Variants in TRIM9 observed in about 807,000 individuals in gnomAD.
TRIM9 encodes E3 ubiquitin-protein ligase TRIM9.
TRIM9 carries 26 observed loss-of-function variants against 78.3 expected under a neutral mutation model. The observed-to-expected ratio is 0.33, with a 90% confidence interval of 0.24 to 0.46. The LOEUF is 0.46. TRIM9 is among the 20% of genes least tolerant of loss of function. The pLI is 1.00. For missense variants in TRIM9, 787 were observed against 1,036.4 expected, an observed-to-expected ratio of 0.76 and a Z score of 3.30; for synonymous variants, 398 against 416.5, an observed-to-expected ratio of 0.96 and a Z score of 0.54.
intron 1 of TRIM9, among the ~76,000 whole-genome samples, chr14:51,087,836 A>G (rs2063910938): frequency 6.6e-6 from 1 of 152,206 alleles, no homozygotes; most frequent in Non-Finnish European, 1.5e-5. Context: ...TTTGTATACC[A>G]CAGATTAATG....
At chr14:51,042,902 C>T (rs2059676646) in intron 1 of TRIM9, among the ~76,000 whole-genome samples, 1 of 152,188 alleles carries the variant, frequency 6.6e-6, no homozygotes, top group Non-Finnish European at 1.5e-5. Flanking sequence ...AACCTTCGTT[C>T]TACTCTGTTC....
chr14:51,067,616 T>C (rs946160851), intron 1 of TRIM9, among the ~76,000 whole-genome samples: 1 of 152,186 alleles, frequency 6.6e-6, no homozygotes, highest in African/African-American at 2.4e-5. Flanking sequence ...GTCCCTTTCA[T>C]TCCTGCCTAA....
At chr14:51,024,375 C>G (rs2058035618) in intron 2 of TRIM9, among the ~76,000 whole-genome samples, 1 of 151,434 alleles carries the variant, frequency 6.6e-6, no homozygotes, top group African/African-American at 2.4e-5. Context: ...GGCATGTGTG[C>G]CAAAAAAAAA....
chr14:51,020,997 T>C (rs959224881), intron 3 of TRIM9, among the ~76,000 whole-genome samples: 1 of 152,270 alleles, frequency 6.6e-6, no homozygotes, highest in Non-Finnish European at 1.5e-5. Flanking sequence ...GCTAGGTACT[T>C]AAATAGTTGT....
intron 10 of TRIM9, chr14:50,982,727 C>A: frequency 1.9e-6 from 1 of 513,158 alleles, no homozygotes; most frequent in Non-Finnish European, 3.5e-6. Flanking sequence ...ACTCCTGAAA[C>A]TAACACGTCA....
chr14:50,997,335 C>A, intron 7 of TRIM9: 2 of 985,336 alleles, frequency 2.0e-6, no homozygotes, highest in Non-Finnish European at 2.4e-6. Context: ...AGCAAAAATT[C>A]TCTAGAGATG....
At chr14:50,987,976 T>G (rs893167018) in intron 7 of TRIM9, among the ~76,000 whole-genome samples, 4 of 152,106 alleles carry the variant, frequency 2.6e-5, no homozygotes, top group African/African-American at 9.7e-5. Context: ...AATTTTTCTA[T>G]TTTTTGTAGA....
chr14:51,080,436 AACACACACACACACACAC>A (rs34062978), intron 1 of TRIM9, among the ~76,000 whole-genome samples: 15 of 144,024 alleles, frequency 1.0e-4, no homozygotes, highest in South Asian at 2.4e-4. Flanking sequence ...AGTTTTATTG[AACACACACACACACACAC>A]ACACACACAC....
Position 51,001,258 on chromosome 14 carries a change from G to C in TRIM9, c.1307-418C>G, listed in dbSNP as rs973309042. Among the ~76,000 whole-genome samples, 6 of 140,040 alleles carry C rather than the reference G, an allele frequency of 4.3e-5. No homozygotes were observed. The South Asian group carries it at 9.0e-4, about 21-fold the overall frequency. 91.9% of individuals were successfully genotyped at this position (140,040 alleles called of 152,430 possible). On this transcript the variant is annotated intron_variant, in intron 5 of 12. Transcript: ENST00000684578. ...TTTTTTTTTTTTTTTGAGATGGAGT[G>C]TCGCTCTGTCGCCCAGGTTGGAGTG... is the stretch of plus-strand genomic sequence containing the variant.
intron 1 of TRIM9, among the ~76,000 whole-genome samples, chr14:51,050,875 A>G (rs2060359213): frequency 6.6e-6 from 1 of 152,134 alleles, no homozygotes; most frequent in Non-Finnish European, 1.5e-5. Flanking sequence ...GCCACCTTAG[A>G]CAGGGATTCT....
chr14:51,001,494 G>T (rs1049390423), intron 5 of TRIM9, among the ~76,000 whole-genome samples: 3 of 152,130 alleles, frequency 2.0e-5, no homozygotes, highest in African/African-American at 7.2e-5. Flanking sequence ...CTCCCAAAGT[G>T]CTGGGATTAC....
chr14:50,999,874 A>C (rs1159302635), intron 6 of TRIM9, among the ~76,000 whole-genome samples: 2 of 152,210 alleles, frequency 1.3e-5, no homozygotes, highest in Admixed American at 1.3e-4. Flanking sequence ...AAGCAGACAC[A>C]TGCCGGCAGG....
At chr14:51,080,902 C>T (rs552372634) in intron 1 of TRIM9, among the ~76,000 whole-genome samples, 26 of 152,314 alleles carry the variant, frequency 1.7e-4, no homozygotes, top group African/African-American at 4.3e-4. Context: ...TTCCATGTTT[C>T]CTGTTTGTCA....
intron 1 of TRIM9, among the ~76,000 whole-genome samples, chr14:51,035,840 A>T (rs562141743): frequency 1.1e-4 from 17 of 152,328 alleles, no homozygotes; most frequent in African/African-American, 3.8e-4. Context: ...ATATTTTTGA[A>T]CCTCAGTTGT....
intron 7 of TRIM9, among the ~76,000 whole-genome samples, chr14:50,995,021 CT>C (rs1031599850): frequency 6.6e-6 from 1 of 151,984 alleles, no homozygotes; most frequent in Non-Finnish European, 1.5e-5. Flanking sequence ...TTCCTTTTCT[CT>C]GTCTCTTTTT....
chr14:50,993,824 T>A, intron 7 of TRIM9, among the ~76,000 whole-genome samples: 1 of 152,306 alleles, frequency 6.6e-6, no homozygotes, highest in South Asian at 2.1e-4. Flanking sequence ...GTGCTGAGCA[T>A]TGGCGGCTTA....
intron 3 of TRIM9, among the ~76,000 whole-genome samples, chr14:51,015,484 C>G (rs1055372441): frequency 1.0e-4 from 12 of 119,752 alleles, no homozygotes; most frequent in Admixed American, 7.4e-4. Context: ...TAAATAAATG[C>G]TTTTTTCTTT....
At chr14:51,037,868 T>C (rs2059285990) in intron 1 of TRIM9, among the ~76,000 whole-genome samples, 1 of 152,108 alleles carries the variant, frequency 6.6e-6, no homozygotes, top group South Asian at 2.1e-4. Context: ...GCCGTTCTTG[T>C]TACATGTACA....
chr14:51,044,346 C>T (rs545170055), intron 1 of TRIM9, among the ~76,000 whole-genome samples: 2 of 152,256 alleles, frequency 1.3e-5, no homozygotes, highest in Admixed American at 6.5e-5. Flanking sequence ...CCTAACCCAT[C>T]CCTATATTAT....
Sources: gnomAD v4.1 joint callset for allele counts (sites outside exome capture counted in the v4.1 genomes callset) on GRCh38, gnomAD v4.1.1 for gene constraint, MANE v1.5 for transcripts, NCBI Gene and HGNC (gene_info 2026-07-23, HGNC 2026-07-21) for gene names.